CDH2: variants seen among roughly 807,000 people sequenced by gnomAD.
The protein encoded by CDH2 is cadherin-2.
Under a neutral mutation model 92.0 loss-of-function variants are expected in CDH2, and 17 were observed. The ratio of observed to expected loss-of-function variants is 0.18; its 90% CI spans 0.13 to 0.28. The LOEUF (loss-of-function observed/expected upper bound fraction) is 0.28, where lower values mean the gene tolerates loss of function less well. CDH2 is among the 10% of genes least tolerant of loss of function. CDH2 has a pLI of 1.00. For missense variants in CDH2, 862 were observed against 1,133.1 expected, an observed-to-expected ratio of 0.76 and a Z score of 3.44; for synonymous variants, 419 against 415.9, an observed-to-expected ratio of 1.01 and a Z score of -0.09.
intron 2 of CDH2, among the ~76,000 whole-genome samples, chr18:28,015,094 TA>T (rs2013206255): frequency 6.6e-6 from 1 of 152,106 alleles, no homozygotes; most frequent in African/African-American, 2.4e-5. Context: ...AGGATCTAAG[TA>T]AAGTGTTTAT....
At position 27,960,640 on chromosome 18, in the gene CDH2, TTATC is replaced by T. The variant is rs1223309251; in HGVS notation, c.2514+2713_2514+2716del. Among the ~76,000 whole-genome samples, 3 of 152,220 alleles carry T rather than the reference TTATC, an allele frequency of 2.0e-5. No individual in the cohort carries two copies. In the East Asian group the frequency reaches 5.8e-4, roughly 29 times the overall value. The stretch of plus-strand genomic sequence containing the variant: ...GAGAATCGATGTCTAATTTATGCTT[TTATC>T]TATATATTACTTGCACAGTTATGTT... On this transcript the variant is annotated intron_variant, in intron 15 of 15. Coordinates refer to ENST00000269141, the MANE Select transcript of CDH2 (RefSeq NM_001792.5).
chr18:28,006,516 G>C (rs2012923198), intron 5 of CDH2, among the ~76,000 whole-genome samples: 1 of 151,724 alleles, frequency 6.6e-6, no homozygotes, highest in Non-Finnish European at 1.5e-5. Context: ...TCAGGAGTTT[G>C]AGACCAGCCT....
downstream of CDH2, among the ~76,000 whole-genome samples, chr18:27,948,662 A>G (rs373471109): frequency 1.3e-4 from 19 of 151,992 alleles, no homozygotes; most frequent in African/African-American, 3.6e-4. Context: ...GCTAATGAGC[A>G]TAAGAAAAAA....
intron 15 of CDH2, among the ~76,000 whole-genome samples, chr18:27,957,269 G>A (rs2011274364): frequency 6.6e-6 from 1 of 151,654 alleles, no homozygotes; most frequent in East Asian, 1.9e-4. Flanking sequence ...TATTTTTAGA[G>A]ACAGGGTCTC....
At chr18:27,996,138 G>A (rs17522401) in intron 7 of CDH2, among the ~76,000 whole-genome samples, 2,106 of 151,898 alleles carry the variant, frequency 0.014, 50 homozygotes, top group African/African-American at 0.048. Flanking sequence ...TCCGAAACTC[G>A]CCTATTTTAC....
At chr18:28,060,620 A>G (rs1375750084) in intron 2 of CDH2, among the ~76,000 whole-genome samples, 5 of 152,222 alleles carry the variant, frequency 3.3e-5, no homozygotes, top group Admixed American at 3.3e-4. Flanking sequence ...TTTCAAAACC[A>G]TAAACAAAAT....
At chr18:28,133,302 G>A (rs970336792) in intron 2 of CDH2, among the ~76,000 whole-genome samples, 11 of 152,002 alleles carry the variant, frequency 7.2e-5, no homozygotes, top group African/African-American at 1.2e-4. Context: ...GAACTTGGCC[G>A]GCCGGGCGTG....
intron 5 of CDH2, among the ~76,000 whole-genome samples, 165 bp from the exon 6 acceptor site, chr18:28,006,158 T>C (rs1208326326): frequency 1.3e-5 from 2 of 152,184 alleles, no homozygotes; most frequent in African/African-American, 2.4e-5. Context: ...ATAATTAGGA[T>C]AGATATAGTA....
intron 6 of CDH2, among the ~76,000 whole-genome samples, chr18:27,938,064 G>T (rs1203443145): frequency 6.6e-6 from 1 of 151,874 alleles, no homozygotes; most frequent in African/African-American, 2.4e-5. Flanking sequence ...CTGTCCTCGC[G>T]ATAGTGAGTT....
At chr18:27,984,670 A>G (rs1445986075) in intron 13 of CDH2, among the ~76,000 whole-genome samples, 2 of 152,322 alleles carry the variant, frequency 1.3e-5, no homozygotes, top group East Asian at 3.9e-4. Context: ...TACTCAAATC[A>G]TAAGAAAAGT....
chr18:28,167,079 T>C (rs1016136540), intron 1 of CDH2, among the ~76,000 whole-genome samples: 5 of 152,116 alleles, frequency 3.3e-5, no homozygotes, highest in Non-Finnish European at 7.4e-5. Context: ...GGGTCACTAG[T>C]AAGCTCAGAG....
intron 2 of CDH2, among the ~76,000 whole-genome samples, chr18:28,050,671 G>C (rs993082485): frequency 3.2e-4 from 49 of 152,258 alleles, no homozygotes; most frequent in African/African-American, 1.2e-3. Flanking sequence ...GCATAGAGGA[G>C]ATATAATGCC....
intron 1 of CDH2, among the ~76,000 whole-genome samples, chr18:28,176,751 C>T (rs1266566572): frequency 6.6e-6 from 1 of 151,716 alleles, no homozygotes; most frequent in African/African-American, 2.4e-5. Flanking sequence ...AGGAAAGGCG[C>T]GAGAGACCTA....
At chr18:27,942,642 A>G (rs1465614936) in intron 6 of CDH2, among the ~76,000 whole-genome samples, 2 of 152,232 alleles carry the variant, frequency 1.3e-5, no homozygotes, top group Admixed American at 1.3e-4. Context: ...GCATAAAGAA[A>G]CAGAAGAAAA....
chr18:28,071,285 C>A (rs773986915), intron 2 of CDH2, among the ~76,000 whole-genome samples: 15 of 151,998 alleles, frequency 9.9e-5, no homozygotes, highest in African/African-American at 3.6e-4. Flanking sequence ...TGGGAAAATA[C>A]GTATGTGCCG....
chr18:27,978,719 C>T (rs1301540562), intron 14 of CDH2, among the ~76,000 whole-genome samples: 1 of 152,042 alleles, frequency 6.6e-6, no homozygotes, highest in Non-Finnish European at 1.5e-5. Context: ...GTGACATAAT[C>T]ACAGCTCACT....
chr18:28,141,441 T>C (rs1351280443), intron 2 of CDH2, among the ~76,000 whole-genome samples: 3 of 152,006 alleles, frequency 2.0e-5, no homozygotes, highest in Admixed American at 6.6e-5. Context: ...AGAGGTATGG[T>C]TGCTCAACAC....
At chr18:27,945,979 CA>C (rs1279909991), downstream of CDH2, among the ~76,000 whole-genome samples, 4 of 151,968 alleles carry the variant, frequency 2.6e-5, no homozygotes, top group East Asian at 1.9e-4. Context: ...GCTAAACAAA[CA>C]AAAAATCAGC....
chr18:27,958,223 A>G (rs1014389892), intron 15 of CDH2, among the ~76,000 whole-genome samples: 2 of 152,188 alleles, frequency 1.3e-5, no homozygotes, highest in African/African-American at 2.4e-5. Context: ...CCCAACTTCT[A>G]TAAGACCATA....
Sources: allele counts gnomAD v4.1 joint callset (sites outside exome capture counted in the v4.1 genomes callset), GRCh38; gene constraint gnomAD v4.1.1; transcripts MANE v1.5; gene names NCBI Gene and HGNC (gene_info 2026-07-23, HGNC 2026-07-21).